CDC14B: variants seen among roughly 807,000 people sequenced by gnomAD.
CDC14B encodes dual specificity protein phosphatase CDC14B.
CDC14B carries 22 observed loss-of-function variants against 64.2 expected under a neutral mutation model. The ratio of observed to expected loss-of-function variants is 0.34; its 90% CI spans 0.24 to 0.49. The LOEUF is 0.49. Among genes scored for constraint, CDC14B ranks in the 20% least tolerant of loss-of-function variants. The probability of loss-of-function intolerance (pLI) is 0.99; values close to 1 mark genes in which losing one functional copy is unlikely to be tolerated. For synonymous variants in CDC14B, 191 were observed against 215.8 expected (o/e 0.89, Z 1.01); for missense variants, 498 against 629.9 (o/e 0.79, Z 2.24).
intron 1 of CDC14B, among the ~76,000 whole-genome samples, chr9:96,615,726 T>C (rs764907445): frequency 6.6e-6 from 1 of 152,204 alleles, no homozygotes; most frequent in Non-Finnish European, 1.5e-5. Context: ...CATGTGATCC[T>C]GCCATTCTAC....
chr9:96,600,500 G>C (rs1027276323), intron 1 of CDC14B, among the ~76,000 whole-genome samples: 7 of 151,488 alleles, frequency 4.6e-5, no homozygotes, highest in African/African-American at 1.7e-4. Context: ...ATTCTAAATA[G>C]AGCTTGTGGT....
At chr9:96,586,270 T>C (rs1283440610) in intron 1 of CDC14B, among the ~76,000 whole-genome samples, 2 of 152,154 alleles carry the variant, frequency 1.3e-5, no homozygotes, top group Non-Finnish European at 2.9e-5. Flanking sequence ...AAGAATATAA[T>C]TGAGAATTAT....
intron 12 of CDC14B, among the ~76,000 whole-genome samples, chr9:96,517,662 A>AAAAAAAAAAAAG (rs1212228986): frequency 6.9e-6 from 1 of 144,210 alleles, no homozygotes; most frequent in African/African-American, 2.6e-5. Flanking sequence ...AAAAAAAAAA[A>AAAAAAAAAAAAG]AAGAAGAAGA....
intron 4 of CDC14B, among the ~76,000 whole-genome samples, chr9:96,556,421 C>G (rs1406633443): frequency 6.6e-6 from 1 of 151,666 alleles, no homozygotes; most frequent in African/African-American, 2.4e-5. Flanking sequence ...CTTACACATT[C>G]AACTGCTCAA....
chr9:96,523,243 C>T lies in CDC14B; in HGVS notation c.1245+18G>A. ...AGTTAAAGCAGTAACAACATCGCAA[C>T]AGAAACGGCTTGATTACCGGTTCGG... On this transcript the variant is annotated intron_variant, in intron 11 of 13. Transcript: ENST00000375241. 1 of 1,613,182 alleles carries T rather than the reference C, an allele frequency of 6.2e-7. No homozygotes were observed. The highest frequency in any genetic ancestry group is 8.5e-7 in the Non-Finnish European group (1 of 1,179,492).
chr9:96,516,666 G>A (rs558645327), intron 12 of CDC14B, among the ~76,000 whole-genome samples: 21 of 152,242 alleles, frequency 1.4e-4, no homozygotes, highest in South Asian at 1.0e-3. Flanking sequence ...TTTTAATACA[G>A]GGTTTCACCA....
chr9:96,516,641 G>A (rs7861042), intron 12 of CDC14B, among the ~76,000 whole-genome samples: 14 of 151,956 alleles, frequency 9.2e-5, no homozygotes, highest in Admixed American at 7.2e-4. Context: ...CACCACGCCC[G>A]GCTAAGTACT....
chr9:96,505,891 T>C (rs1834058722), intron 13 of CDC14B, among the ~76,000 whole-genome samples: 2 of 152,218 alleles, frequency 1.3e-5, no homozygotes, highest in South Asian at 4.1e-4. Flanking sequence ...TGGCACCTTT[T>C]CCCAAAGACA....
intron 1 of CDC14B, among the ~76,000 whole-genome samples, chr9:96,591,173 T>C (rs1003729040): frequency 2.0e-5 from 3 of 152,228 alleles, no homozygotes; most frequent in African/African-American, 4.8e-5. Context: ...CAATAAATTA[T>C]TCCCAAATCT....
chr9:96,516,213 A>G (rs976284121), intron 12 of CDC14B, among the ~76,000 whole-genome samples: 11 of 152,230 alleles, frequency 7.2e-5, no homozygotes, highest in Non-Finnish European at 1.0e-4. Context: ...ACTAGTTAAC[A>G]AAATCACAGG....
At chr9:96,532,069 C>T (rs1376752687) in intron 9 of CDC14B, among the ~76,000 whole-genome samples, 1 of 151,930 alleles carries the variant, frequency 6.6e-6, no homozygotes, top group African/African-American at 2.4e-5. Flanking sequence ...GGGGTCTATT[C>T]AGATTTTCTA....
chr9:96,564,624 T>A (rs567458315), intron 3 of CDC14B, among the ~76,000 whole-genome samples, 153 bp downstream of exon 3: 1 of 152,346 alleles, frequency 6.6e-6, no homozygotes, highest in South Asian at 2.1e-4. Context: ...AGATACACTA[T>A]GATCTTATAA....
At chr9:96,602,407 T>C (rs1846547759) in intron 1 of CDC14B, among the ~76,000 whole-genome samples, 1 of 152,172 alleles carries the variant, frequency 6.6e-6, no homozygotes, top group Admixed American at 6.5e-5. Context: ...TTACCACATA[T>C]GTTAGTCCGT....
intron 1 of CDC14B, among the ~76,000 whole-genome samples, chr9:96,573,328 A>T (rs1406159345): frequency 6.6e-6 from 1 of 152,144 alleles, no homozygotes; most frequent in Non-Finnish European, 1.5e-5. Context: ...CAAAAAAAAT[A>T]CAGATGAGAA....
At chr9:96,574,346 C>A (rs1301970834) in intron 1 of CDC14B, among the ~76,000 whole-genome samples, 1 of 151,990 alleles carries the variant, frequency 6.6e-6, no homozygotes, top group African/African-American at 2.4e-5. Flanking sequence ...ACACGTGGGA[C>A]AACTTGTTGT....
intron 12 of CDC14B, chr9:96,514,444 A>G (rs1446388580): frequency 5.1e-6 from 5 of 985,336 alleles, no homozygotes; most frequent in Non-Finnish European, 6.0e-6. Context: ...ATGCGCGACA[A>G]TAAGCTTTTA....
At chr9:96,587,619 T>C (rs1364216059) in intron 1 of CDC14B, among the ~76,000 whole-genome samples, 1 of 151,988 alleles carries the variant, frequency 6.6e-6, no homozygotes, top group Non-Finnish European at 1.5e-5. Flanking sequence ...CTCCATGGAG[T>C]ACATCTTAGT....
intron 9 of CDC14B, among the ~76,000 whole-genome samples, chr9:96,526,343 G>A (rs1837559809): frequency 6.6e-6 from 1 of 152,154 alleles, no homozygotes; most frequent in African/African-American, 2.4e-5. Context: ...ACTCCAGCCT[G>A]GGAGACAGAG....
intron 1 of CDC14B, among the ~76,000 whole-genome samples, chr9:96,573,075 G>A (rs564942370): frequency 2.6e-5 from 4 of 152,286 alleles, no homozygotes; most frequent in Admixed American, 2.0e-4. Flanking sequence ...TTGGGAGGCC[G>A]AGGCGGGTGG....
Sources: gnomAD v4.1 joint callset for allele counts (sites outside exome capture counted in the v4.1 genomes callset) on GRCh38, gnomAD v4.1.1 for gene constraint, MANE v1.5 for transcripts, NCBI Gene and HGNC (gene_info 2026-07-23, HGNC 2026-07-21) for gene names.